TMC1: variants seen among roughly 807,000 people sequenced by gnomAD.
TMC1 encodes transmembrane channel like 1.
TMC1 carries 84 observed loss-of-function variants against 105.8 expected under a neutral mutation model. That is an observed-to-expected ratio of 0.79 (90% CI 0.67 to 0.95). The LOEUF (loss-of-function observed/expected upper bound fraction) is 0.95. Ranked by LOEUF, TMC1 falls within the 40% of genes least tolerant of loss-of-function variation. TMC1 has a pLI of 0.00. For synonymous variants in TMC1, 315 were observed against 311.5 expected (o/e 1.01, Z -0.12); for missense variants, 817 against 914.1 (o/e 0.89, Z 1.37).
chr9:72,523,847 T>C (rs1252970516), intron 1 of TMC1, among the ~76,000 whole-genome samples: 2 of 151,970 alleles, frequency 1.3e-5, no homozygotes, highest in African/African-American at 4.8e-5. Context: ...AAAAAATGTA[T>C]AGAGGCCTGA....
At chr9:72,831,951 C>T (rs991775168) in intron 23 of TMC1, among the ~76,000 whole-genome samples, 7 of 151,014 alleles carry the variant, frequency 4.6e-5, no homozygotes, top group African/African-American at 1.7e-4. Context: ...GGGTATATAC[C>T]CAAAGGATTT....
intron 1 of TMC1, among the ~76,000 whole-genome samples, chr9:72,541,545 G>A (rs566351060): frequency 1.8e-4 from 27 of 152,026 alleles, no homozygotes; most frequent in African/African-American, 6.0e-4. Flanking sequence ...AAAATTAGCC[G>A]GGCATGGTGG....
intron 8 of TMC1, among the ~76,000 whole-genome samples, chr9:72,705,774 A>C (rs1457507030): frequency 6.6e-6 from 1 of 152,248 alleles, no homozygotes; most frequent in Non-Finnish European, 1.5e-5. Context: ...GCTTTTGGAT[A>C]GACACCATTT....
intron 8 of TMC1, among the ~76,000 whole-genome samples, chr9:72,723,968 A>G (rs973412774): frequency 3.3e-5 from 5 of 152,230 alleles, no homozygotes; most frequent in Non-Finnish European, 5.9e-5. Flanking sequence ...TAACTGCCTC[A>G]AAATCTCAAG....
In TMC1 at chr9:72,772,524, A is replaced by T; in HGVS notation, c.853A>T (p.Ile285Phe). Reference protein sequence around the residue: ...LSYFLVGIMCIGYSFLVVLKA... With the variant: ...LSYFLVGIMCFGYSFLVVLKA... ...CTATTTTCTAGTGGGGATTATGTGC[A>T]TTGGATACAGCTTTCTGGTTGTCCT... The change falls in exon 13 of 24, where the codon ATT becomes TTT. Residue 285 changes from isoleucine (I) to phenylalanine (F), a missense_variant. By Grantham distance (21) the Ile-to-Phe change is conservative. Transcript: ENST00000297784. 1 of 1,613,904 alleles carries T rather than the reference A, an allele frequency of 6.2e-7. No homozygotes were observed. Among genetic ancestry groups the T allele is most frequent in the South Asian group, 1.1e-5 (1 of 91,080 alleles).
chr9:72,708,928 T>G (rs1466632895), intron 8 of TMC1, among the ~76,000 whole-genome samples: 1 of 152,084 alleles, frequency 6.6e-6, no homozygotes. Context: ...GTACGTCCCT[T>G]GTATGCCGAT....
At chr9:72,631,826 C>T (rs555078784) in intron 4 of TMC1, among the ~76,000 whole-genome samples, 132 of 151,888 alleles carry the variant, frequency 8.7e-4, no homozygotes, top group Non-Finnish European at 1.0e-3. Flanking sequence ...AAAACAAGAG[C>T]GCATGCAAGA....
chr9:72,696,898 G>C (rs1040358677), intron 7 of TMC1, among the ~76,000 whole-genome samples: 1 of 152,138 alleles, frequency 6.6e-6, no homozygotes, highest in Non-Finnish European at 1.5e-5. Flanking sequence ...TTTAGATGAG[G>C]CATGCCTATG....
intron 2 of TMC1, among the ~76,000 whole-genome samples, chr9:72,604,994 A>G (rs1174660945): frequency 6.6e-6 from 1 of 152,242 alleles, no homozygotes; most frequent in Non-Finnish European, 1.5e-5. Flanking sequence ...TTTTTAAGGT[A>G]TGTATGGTTT....
At chr9:72,674,187 T>C (rs1330453748) in intron 5 of TMC1, among the ~76,000 whole-genome samples, 3 of 152,196 alleles carry the variant, frequency 2.0e-5, no homozygotes, top group South Asian at 4.1e-4. Flanking sequence ...AATTTAACAC[T>C]GTGAAGATAT....
chr9:72,656,024 G>C (rs1057475492), intron 5 of TMC1: 1 of 744,530 alleles, frequency 1.3e-6, no homozygotes, highest in Non-Finnish European at 2.5e-6. Context: ...GTCTTAGTAG[G>C]CATTTGAACT....
At chr9:72,711,613 G>A (rs1159757993) in intron 8 of TMC1, among the ~76,000 whole-genome samples, 2 of 152,100 alleles carry the variant, frequency 1.3e-5, no homozygotes, top group Non-Finnish European at 2.9e-5. Flanking sequence ...TTTTGATGGG[G>A]TTGTTTGATA....
intron 10 of TMC1, among the ~76,000 whole-genome samples, chr9:72,743,129 A>C (rs949521037): frequency 2.0e-5 from 3 of 151,962 alleles, no homozygotes; most frequent in Admixed American, 2.0e-4. Flanking sequence ...GCACTTTGGG[A>C]GGCCGAGGCG....
intron 2 of TMC1, among the ~76,000 whole-genome samples, chr9:72,596,658 C>T (rs1162803044): frequency 6.6e-6 from 1 of 151,936 alleles, no homozygotes; most frequent in Non-Finnish European, 1.5e-5. Flanking sequence ...GCAGATGATG[C>T]CTGATAAGGA....
chr9:72,784,022 A>C (rs865950227), intron 13 of TMC1, among the ~76,000 whole-genome samples: 1 of 152,202 alleles, frequency 6.6e-6, no homozygotes, highest in African/African-American at 2.4e-5. Flanking sequence ...ATCCTTCATT[A>C]AGAAGACTCC....
Position 72,742,473 on chromosome 9 carries a change from G to C in TMC1, c.483G>C (p.Glu161Asp). 3 of 1,614,094 alleles carry C rather than the reference G, an allele frequency of 1.9e-6. No homozygotes were observed. Among genetic ancestry groups the C allele is most frequent in the Non-Finnish European group, 2.5e-6 (3 of 1,179,996 alleles). ...KKWAKFLRDF[E>D]NFKAACVPWE... ...GGGCAAAATTCCTCCGTGATTTTGA[G>C]AACTTCAAAGCTGCGTGTGTCCCAT... The change falls in exon 10 of 24, where the codon GAG becomes GAC. Residue 161 changes from glutamate (E) to aspartate (D), a missense_variant. Glu to Asp is a conservative substitution (Grantham distance 45, BLOSUM62 2). Transcript: ENST00000297784.
chr9:72,523,832 TA>T (rs971570633), intron 1 of TMC1, among the ~76,000 whole-genome samples: 8 of 146,760 alleles, frequency 5.5e-5, no homozygotes, highest in Middle Eastern at 7.0e-3. Flanking sequence ...GAACAGAGAA[TA>T]AAAAAAAAAT....
intron 3 of TMC1, among the ~76,000 whole-genome samples, chr9:72,621,398 T>C (rs960914531): frequency 3.3e-5 from 5 of 152,190 alleles, no homozygotes; most frequent in African/African-American, 1.2e-4. Flanking sequence ...CAGGAGACCT[T>C]TGACATTTGT....
At chr9:72,721,884 C>G (rs988480740) in intron 8 of TMC1, among the ~76,000 whole-genome samples, 5 of 152,122 alleles carry the variant, frequency 3.3e-5, no homozygotes, top group Non-Finnish European at 5.9e-5. Context: ...TTTTTAAATA[C>G]CTGTCATCCC....
Sources: allele counts gnomAD v4.1 joint callset (sites outside exome capture counted in the v4.1 genomes callset), GRCh38; gene constraint gnomAD v4.1.1; transcripts MANE v1.5; gene names NCBI Gene and HGNC (gene_info 2026-07-23, HGNC 2026-07-21).